The following RBMS3 variants were observed in gnomAD, a reference collection of about 807,000 sequenced individuals.
RBMS3 encodes RNA-binding motif, single-stranded-interacting protein 3.
RBMS3 carries 27 observed loss-of-function variants against 66.8 expected under a neutral mutation model. The observed-to-expected ratio is 0.40, with a 90% CI of 0.30 to 0.56. The LOEUF is 0.56. RBMS3 is among the 20% of genes least tolerant of loss of function. RBMS3 has a pLI of 0.40. For synonymous variants in RBMS3, 188 were observed against 183.0 expected (o/e 1.03, Z -0.22); for missense variants, 513 against 549.5 (o/e 0.93, Z 0.66).
At chr3:29,857,368 C>A (rs568547584) in intron 6 of RBMS3, among the ~76,000 whole-genome samples, 79 of 150,714 alleles carry the variant, frequency 5.2e-4, no homozygotes, top group African/African-American at 1.8e-3. Context: ...TCCCTATCTA[C>A]CCCCACCCCC....
chr3:29,494,472 G>C (rs945129223), intron 3 of RBMS3, among the ~76,000 whole-genome samples: 3 of 152,160 alleles, frequency 2.0e-5, no homozygotes, highest in Non-Finnish European at 4.4e-5. Flanking sequence ...AAGCCAAAAT[G>C]ACCAGAAATT....
intron 4 of RBMS3, among the ~76,000 whole-genome samples, chr3:29,644,697 C>T (rs80225484): frequency 0.018 from 2,741 of 152,234 alleles, 81 homozygotes; most frequent in African/African-American, 0.058. Context: ...TTTAGTCTTT[C>T]ATTGCAGGCA....
At chr3:29,482,076 C>A (rs1295178642) in intron 2 of RBMS3, among the ~76,000 whole-genome samples, 1 of 152,162 alleles carries the variant, frequency 6.6e-6, no homozygotes, top group African/African-American at 2.4e-5. Flanking sequence ...TTCTAAACCT[C>A]ATCCTCTTTC....
intron 6 of RBMS3, among the ~76,000 whole-genome samples, chr3:29,793,249 GA>G (rs2057074871): frequency 2.6e-5 from 3 of 113,938 alleles, no homozygotes; most frequent in African/African-American, 8.2e-5. Flanking sequence ...AAAGAAAAAG[GA>G]AAAGAAAAAG....
chr3:29,614,588 C>G (rs558684307), intron 4 of RBMS3: 2 of 152,010 alleles, frequency 1.3e-5, no homozygotes, highest in East Asian at 3.9e-4. Flanking sequence ...TAAGTTGATA[C>G]AATAAATCAA....
chr3:29,695,010 C>T (rs187809041), intron 4 of RBMS3, among the ~76,000 whole-genome samples: 1 of 152,152 alleles, frequency 6.6e-6, no homozygotes, highest in Non-Finnish European at 1.5e-5. Flanking sequence ...TGGTGAGAGT[C>T]TCTCATTGCC....
intron 4 of RBMS3, among the ~76,000 whole-genome samples, chr3:29,664,570 T>C (rs1317494049): frequency 6.6e-6 from 1 of 151,740 alleles, no homozygotes; most frequent in Non-Finnish European, 1.5e-5. Flanking sequence ...TTTATAAATA[T>C]GGTAGATAGC....
At chr3:29,780,615 A>G (rs2056597520) in intron 6 of RBMS3, among the ~76,000 whole-genome samples, 1 of 152,150 alleles carries the variant, frequency 6.6e-6, no homozygotes, top group African/African-American at 2.4e-5. Context: ...AACTATCTAA[A>G]TTGAATATTT....
chr3:29,445,880 G>T (rs541893302), intron 2 of RBMS3, among the ~76,000 whole-genome samples: 19 of 152,216 alleles, frequency 1.2e-4, no homozygotes, highest in Admixed American at 1.2e-3. Context: ...TATGTCCACA[G>T]ATTTTTTGAA....
chr3:29,508,069 G>C (rs1218211384), intron 3 of RBMS3, among the ~76,000 whole-genome samples: 3 of 152,126 alleles, frequency 2.0e-5, no homozygotes, highest in East Asian at 1.9e-4. Context: ...TTTGGAATGA[G>C]ATGTCAAGAA....
In RBMS3 at chr3:29,846,347, A is replaced by G. The variant is rs944783593; in HGVS notation, c.638-22511A>G. ...TTAATATATTTTGAATAAGGTAGGT[A>G]AGAGTTTAGAGCTGAAAGAGGACTA... On this transcript the variant is annotated intron_variant, in intron 6 of 14. Coordinates refer to ENST00000383767, the MANE Select transcript of RBMS3 (RefSeq NM_001003793.3). Among the ~76,000 whole-genome samples, 6 of 152,244 alleles carry G rather than the reference A, an allele frequency of 3.9e-5. No individual in the cohort carries two copies. In the South Asian group the frequency reaches 1.0e-3, roughly 26 times the overall value.
At chr3:29,799,559 C>T (rs2888164) in intron 6 of RBMS3, among the ~76,000 whole-genome samples, 86,336 of 151,908 alleles carry the variant, frequency 0.57, 25,207 homozygotes, top group African/African-American at 0.64. Context: ...AAATATTTCA[C>T]TGCATTAATT....
At chr3:30,002,913 A>G (rs1699674679) in intron 14 of RBMS3, among the ~76,000 whole-genome samples, 2 of 152,106 alleles carry the variant, frequency 1.3e-5, no homozygotes, top group East Asian at 1.9e-4. Context: ...CACTCCCTCA[A>G]TCATACATCT....
At chr3:29,963,077 G>A (rs908324611) in intron 12 of RBMS3, among the ~76,000 whole-genome samples, 1 of 150,762 alleles carries the variant, frequency 6.6e-6, no homozygotes, top group African/African-American at 2.4e-5. Context: ...TGTTCAGAAT[G>A]CAAGATAAAA....
At chr3:29,691,478 C>T (rs1482413600) in intron 4 of RBMS3, among the ~76,000 whole-genome samples, 1 of 152,074 alleles carries the variant, frequency 6.6e-6, no homozygotes, top group African/African-American at 2.4e-5. Context: ...ATGACTTGTT[C>T]GTGGGTTTCT....
chr3:29,460,295 G>T (rs2042331130), intron 2 of RBMS3, among the ~76,000 whole-genome samples: 1 of 152,180 alleles, frequency 6.6e-6, no homozygotes, highest in Non-Finnish European at 1.5e-5. Context: ...ATGAGATTTA[G>T]AACTGAATAA....
chr3:29,322,579 T>C (rs1001026436), intron 1 of RBMS3, among the ~76,000 whole-genome samples: 2 of 151,884 alleles, frequency 1.3e-5, no homozygotes, highest in Non-Finnish European at 2.9e-5. Context: ...TTAAAGTACC[T>C]AGTCCAGATC....
At chr3:29,299,792 G>T (rs965728273) in intron 1 of RBMS3, among the ~76,000 whole-genome samples, 2 of 151,750 alleles carry the variant, frequency 1.3e-5, no homozygotes, top group African/African-American at 4.8e-5. Context: ...TAGTATGGGG[G>T]TGGGGGTTCC....
intron 1 of RBMS3, among the ~76,000 whole-genome samples, chr3:29,296,087 A>G (rs2033242303): frequency 6.6e-6 from 1 of 151,774 alleles, no homozygotes; most frequent in Non-Finnish European, 1.5e-5. Context: ...AAACAGGAAT[A>G]TCTTCCTTCC....
Sources: gnomAD v4.1 joint callset for allele counts (sites outside exome capture counted in the v4.1 genomes callset) on GRCh38, gnomAD v4.1.1 for gene constraint, MANE v1.5 for transcripts, NCBI Gene and HGNC (gene_info 2026-07-23, HGNC 2026-07-21) for gene names.